Variants in CBLN2 observed in about 807,000 individuals in gnomAD.
CBLN2 encodes the protein cerebellin-2.
CBLN2 carries 7 observed loss-of-function variants against 15.0 expected under a neutral mutation model. The ratio of observed to expected loss-of-function variants is 0.47; its 90% CI spans 0.27 to 0.88. The LOEUF (loss-of-function observed/expected upper bound fraction) is 0.88, where lower values mean the gene tolerates loss of function less well. Ranked by LOEUF, CBLN2 falls within the 40% of genes least tolerant of loss-of-function variation. The pLI, the probability that CBLN2 is intolerant of heterozygous loss-of-function variation, is 0.14. For missense variants in CBLN2, 242 were observed against 304.5 expected (o/e 0.79, Z 1.53); for synonymous variants, 149 against 135.2 (o/e 1.10, Z -0.71).
At chr18:72,619,264 G>C (rs922644258) in intron 1 of CBLN2, 2 of 815,228 alleles carry the variant, frequency 2.5e-6, no homozygotes, top group East Asian at 6.8e-5. Flanking sequence ...AGGAGAGCCA[G>C]AGAAGTGACG....
At chr18:72,607,360 C>A (rs1247989825) in intron 1 of CBLN2, among the ~76,000 whole-genome samples, 1 of 152,170 alleles carries the variant, frequency 6.6e-6, no homozygotes, top group East Asian at 1.9e-4. Context: ...GAAGGCATAT[C>A]CGCCCCACTT....
chr18:72,542,467 C>T (rs917047459), intron 2 of CBLN2, 141 bp from the exon 3 acceptor site: 92 of 181,004 alleles, frequency 5.1e-4, no homozygotes, highest in Non-Finnish European at 7.0e-4. Flanking sequence ...ACCCGCTTTC[C>T]GATCTGGCAC....
intron 1 of CBLN2, among the ~76,000 whole-genome samples, chr18:72,564,251 C>G (rs565954713): frequency 6.6e-6 from 1 of 152,132 alleles, no homozygotes; most frequent in South Asian, 2.1e-4. Context: ...GAATAATAAT[C>G]TTAAGAAAAC....
At chr18:72,573,478 C>A (rs1568120863) in intron 1 of CBLN2, among the ~76,000 whole-genome samples, 2 of 152,164 alleles carry the variant, frequency 1.3e-5, no homozygotes, top group Non-Finnish European at 1.5e-5. Flanking sequence ...AACCACTGAT[C>A]TTTTTACTAT....
chr18:72,637,339 C>T (rs1281554640), intron 1 of CBLN2, among the ~76,000 whole-genome samples: 5 of 151,938 alleles, frequency 3.3e-5, no homozygotes, highest in Non-Finnish European at 5.9e-5. Context: ...TACCAGCTAC[C>T]AGTCCCTGAA....
At chr18:72,571,531 A>G (rs1350221278) in intron 1 of CBLN2, among the ~76,000 whole-genome samples, 1 of 152,254 alleles carries the variant, frequency 6.6e-6, no homozygotes, top group East Asian at 1.9e-4. Flanking sequence ...TGTTAAGTGC[A>G]GTGAAAGAAA....
chr18:72,556,485 GAGAAA>G (rs892553885), intron 1 of CBLN2, among the ~76,000 whole-genome samples: 6 of 152,164 alleles, frequency 3.9e-5, no homozygotes, highest in East Asian at 3.9e-4. Context: ...TAGAAAGAAA[GAGAAA>G]AGAAAAGAAA....
intron 1 of CBLN2, among the ~76,000 whole-genome samples, chr18:72,557,316 C>CT (rs2069232774): frequency 6.6e-6 from 1 of 152,062 alleles, no homozygotes; most frequent in Admixed American, 6.6e-5. Context: ...CATGTCTTTG[C>CT]TATCATGAAC....
At chr18:72,613,783 A>G (rs2069639233) in intron 1 of CBLN2, among the ~76,000 whole-genome samples, 1 of 152,168 alleles carries the variant, frequency 6.6e-6, no homozygotes, top group Admixed American at 6.6e-5. Context: ...TTGCTCATCC[A>G]TTTCTTTGAA....
intron 1 of CBLN2, among the ~76,000 whole-genome samples, chr18:72,615,271 T>TAC (rs1458724818): frequency 3.0e-4 from 5 of 16,824 alleles, no homozygotes; most frequent in Non-Finnish European, 1.4e-3. Context: ...GTATATATTA[T>TAC]ATATATATAT....
intron 1 of CBLN2, among the ~76,000 whole-genome samples, chr18:72,613,567 C>G (rs1406402195): frequency 4.5e-4 from 68 of 152,112 alleles, no homozygotes; most frequent in Non-Finnish European, 1.5e-4. Flanking sequence ...TTGGTACAAG[C>G]TTTGCTATTT....
intron 1 of CBLN2, among the ~76,000 whole-genome samples, chr18:72,564,915 T>A (rs1426675636): frequency 6.6e-6 from 1 of 152,100 alleles, no homozygotes; most frequent in Non-Finnish European, 1.5e-5. Flanking sequence ...AGAAAAACAC[T>A]AAGTCACATA....
intron 1 of CBLN2, among the ~76,000 whole-genome samples, chr18:72,557,153 T>C (rs1017739612): frequency 6.6e-5 from 10 of 152,088 alleles, no homozygotes; most frequent in Non-Finnish European, 1.0e-4. Context: ...AAATACAGTA[T>C]ATGCTATTTA....
intron 1 of CBLN2, among the ~76,000 whole-genome samples, chr18:72,552,247 C>T (rs990467534): frequency 2.6e-5 from 4 of 151,970 alleles, no homozygotes; most frequent in African/African-American, 9.7e-5. Context: ...CCAAGCCCAG[C>T]TAATTTTGCA....
intron 3 of CBLN2, chr18:72,539,068 C>A: frequency 3.3e-6 from 1 of 303,906 alleles, no homozygotes; most frequent in Non-Finnish European, 6.3e-6. Context: ...AGGGGCAGGG[C>A]AGAGAGAAAG....
chr18:72,541,550 A>G (rs1250944996), intron 3 of CBLN2, among the ~76,000 whole-genome samples: 1 of 152,218 alleles, frequency 6.6e-6, no homozygotes, highest in African/African-American at 2.4e-5. Flanking sequence ...GAAAGCTTAG[A>G]CAGCCTTAAG....
Position 72,538,650 on chromosome 18 carries a change from C to T in CBLN2, c.477+3G>A. On this transcript the variant is annotated splice_donor_region_variant and intron_variant, in intron 4 of 4. Coordinates refer to ENST00000269503, the MANE Select transcript of CBLN2 (RefSeq NM_182511.4). The stretch of plus-strand genomic sequence containing the variant: ...GAAAGGATCCAGTTTCAAATCTACC[C>T]ACCTGGATGGTTTGTCTGTTATACA... 6.2e-7 allele frequency: 1 copy of T among 1,613,766 alleles called. No individual in the cohort carries two copies. The highest frequency in any genetic ancestry group is 8.5e-7 in the Non-Finnish European group (1 of 1,179,878).
At chr18:72,599,045 G>A (rs904203817) in intron 1 of CBLN2, among the ~76,000 whole-genome samples, 2 of 152,190 alleles carry the variant, frequency 1.3e-5, no homozygotes, top group Non-Finnish European at 2.9e-5. Context: ...TTGGGTTCTT[G>A]TGAAGGTGTT....
chr18:72,551,250 A>T (rs2069190284), intron 1 of CBLN2, among the ~76,000 whole-genome samples: 3 of 152,142 alleles, frequency 2.0e-5, no homozygotes, highest in African/African-American at 7.2e-5. Context: ...ATATATATAC[A>T]CATCTATACA....
Sources: allele counts gnomAD v4.1 joint callset (sites outside exome capture counted in the v4.1 genomes callset), GRCh38; gene constraint gnomAD v4.1.1; transcripts MANE v1.5; gene names NCBI Gene and HGNC (gene_info 2026-07-23, HGNC 2026-07-21).